The following APLP2 variants were observed in gnomAD, a reference collection of about 807,000 sequenced individuals.
APLP2 encodes amyloid beta precursor like protein 2.
APLP2 carries 53 observed loss-of-function variants against 89.9 expected under a neutral mutation model. The ratio of observed to expected loss-of-function variants is 0.59; its 90% CI spans 0.47 to 0.74. APLP2 has a LOEUF of 0.74. APLP2 is among the 30% of genes least tolerant of loss of function. The pLI is 0.00. For synonymous variants in APLP2, 372 were observed against 348.6 expected (o/e 1.07, Z -0.75); for missense variants, 973 against 975.9 (o/e 1.00, Z 0.04).
chr11:130,114,171 C>T (rs1055664561), intron 3 of APLP2: 1 of 152,170 alleles, frequency 6.6e-6, no homozygotes, highest in East Asian at 1.9e-4. Flanking sequence ...TAATAACATC[C>T]AGGATCTAAT....
At chr11:130,118,985 C>A (rs975686958) in intron 3 of APLP2, among the ~76,000 whole-genome samples, 1 of 152,318 alleles carries the variant, frequency 6.6e-6, no homozygotes, top group East Asian at 1.9e-4. Context: ...CCCCTACTTA[C>A]ACATCAGCAA....
intron 13 of APLP2, among the ~76,000 whole-genome samples, chr11:130,136,874 C>G (rs1259472268): frequency 6.6e-6 from 1 of 152,172 alleles, no homozygotes; most frequent in Non-Finnish European, 1.5e-5. Context: ...GGGGTCGGGG[C>G]AGCTTGGATA....
chr11:130,094,150 T>C (rs2135585193), intron 1 of APLP2, among the ~76,000 whole-genome samples: 1 of 148,790 alleles, frequency 6.7e-6, no homozygotes, highest in South Asian at 2.2e-4. Context: ...GCCTCCCGGG[T>C]TTAAGCGATT....
At chr11:130,109,331 G>A (rs1948233872) in intron 1 of APLP2, 98 bp from the exon 2 acceptor site, 2 of 1,054,490 alleles carry the variant, frequency 1.9e-6, no homozygotes, top group African/African-American at 1.6e-5. Context: ...AAATAATTAA[G>A]GTTTTTAAAA....
chr11:130,137,963 G>A (rs948732560), intron 13 of APLP2, among the ~76,000 whole-genome samples: 1 of 152,198 alleles, frequency 6.6e-6, no homozygotes, highest in Non-Finnish European at 1.5e-5. Context: ...AGTGTTTTTA[G>A]CTCTATTTTC....
intron 1 of APLP2, among the ~76,000 whole-genome samples, chr11:130,104,052 A>G (rs1947305276): frequency 6.6e-6 from 1 of 152,068 alleles, no homozygotes; most frequent in African/African-American, 2.4e-5. Flanking sequence ...GTGGGAAGCA[A>G]AGGATTCGGG....
chr11:130,125,348 G>A (rs539925821), intron 7 of APLP2, among the ~76,000 whole-genome samples: 1 of 152,076 alleles, frequency 6.6e-6, no homozygotes, highest in Non-Finnish European at 1.5e-5. Context: ...CCAGCGCTCA[G>A]GCCTTTATAG....
intron 1 of APLP2, among the ~76,000 whole-genome samples, chr11:130,080,541 A>G (rs563092926): frequency 1.9e-4 from 29 of 151,150 alleles, no homozygotes; most frequent in African/African-American, 6.6e-4. Context: ...CAGACTGATT[A>G]ATTTGAGGTC....
At chr11:130,133,751 A>G in intron 12 of APLP2, 23 bp downstream of exon 12, 1 of 1,569,922 alleles carries the variant, frequency 6.4e-7, no homozygotes, top group Non-Finnish European at 8.8e-7. Context: ...TCTTTGTGTC[A>G]AGGTCATACG....
intron 1 of APLP2, chr11:130,070,807 T>A: frequency 7.8e-7 from 1 of 1,285,166 alleles, no homozygotes; most frequent in Non-Finnish European, 1.0e-6. Context: ...CGAAGGCGTG[T>A]AAACTGTTGG....
At chr11:130,116,260 C>T (rs1404427550) in intron 3 of APLP2, among the ~76,000 whole-genome samples, 2 of 151,950 alleles carry the variant, frequency 1.3e-5, no homozygotes, top group African/African-American at 4.8e-5. Context: ...TTTGTTTGTT[C>T]AATGATTTTA....
chr11:130,112,762 T>C (rs1411736709), intron 3 of APLP2, among the ~76,000 whole-genome samples: 1 of 152,194 alleles, frequency 6.6e-6, no homozygotes, highest in African/African-American at 2.4e-5. Flanking sequence ...ATGTCTCTCA[T>C]GCACAAAATC....
At chr11:130,071,939 A>G (rs2135289216) in intron 1 of APLP2, among the ~76,000 whole-genome samples, 1 of 152,290 alleles carries the variant, frequency 6.6e-6, no homozygotes, top group South Asian at 2.1e-4. Flanking sequence ...CAGGCAAGGG[A>G]CTGTCGAAGC....
At chr11:130,079,167 C>T (rs1431043325) in intron 1 of APLP2, among the ~76,000 whole-genome samples, 1 of 151,958 alleles carries the variant, frequency 6.6e-6, no homozygotes, top group African/African-American at 2.4e-5. Context: ...GGTGCAGTCT[C>T]TGCTCACTGC....
intron 3 of APLP2, among the ~76,000 whole-genome samples, chr11:130,116,677 G>T (rs1949214417): frequency 6.6e-6 from 1 of 151,734 alleles, no homozygotes; most frequent in Non-Finnish European, 1.5e-5. Flanking sequence ...TCCCCATGTT[G>T]GCCAGGCTGG....
At chr11:130,094,901 A>G (rs549835944) in intron 1 of APLP2, among the ~76,000 whole-genome samples, 2 of 152,296 alleles carry the variant, frequency 1.3e-5, no homozygotes, top group Admixed American at 6.5e-5. Context: ...GCATTCTAGA[A>G]AGGAGGGACT....
At chr11:130,135,752 G>C (rs933927152) in intron 13 of APLP2, 37 bp downstream of exon 13, 2 of 1,606,628 alleles carry the variant, frequency 1.2e-6, no homozygotes, top group Non-Finnish European at 8.5e-7. Context: ...TGGGCAGCAG[G>C]GGGAGGACAA....
At chr11:130,070,684 C>T (rs954686901) in intron 1 of APLP2, 1 of 1,477,860 alleles carries the variant, frequency 6.8e-7, no homozygotes. Context: ...GGCCGGGTCG[C>T]GGACGCGCAT....
In APLP2 at chr11:130,123,855, C is replaced by A; in HGVS notation, c.1090+76C>A. 6.5e-7 allele frequency: 1 copy of A among 1,534,866 alleles called. No homozygotes were observed. On this transcript the variant is annotated intron_variant, in intron 7 of 16. Coordinates refer to ENST00000338167, the MANE Select transcript of APLP2 (RefSeq NM_001142276.2). This position sits in a 1 kb window ranked among gnomAD's most constrained non-coding sequence, Gnocchi z 4.0. The stretch of plus-strand genomic sequence containing the variant: ...GTCCGTCTCCCTGCCGTCTTCGTGG[C>A]TGCATCTGTGTGGTGTCCCTGCCCA...
Sources: allele counts gnomAD v4.1 joint callset (sites outside exome capture counted in the v4.1 genomes callset), GRCh38; gene constraint gnomAD v4.1.1; non-coding constraint Gnocchi (gnomAD v3.1); transcripts MANE v1.5; gene names NCBI Gene and HGNC (gene_info 2026-07-23, HGNC 2026-07-21).